Variants in NUP133 observed in about 807,000 individuals in gnomAD.
NUP133 encodes nucleoporin 133, also known as nuclear pore complex protein Nup133.
NUP133 carries 66 observed loss-of-function variants against 146.2 expected under a neutral mutation model. The observed-to-expected ratio is 0.45, with a 90% CI of 0.37 to 0.55. NUP133 has a LOEUF of 0.55. Among genes scored for constraint, NUP133 ranks in the 20% least tolerant of loss-of-function variants. The pLI, the probability that NUP133 is intolerant of heterozygous loss-of-function variation, is 0.00. For missense variants in NUP133, 1,277 were observed against 1,374.8 expected (o/e 0.93, Z 1.12); for synonymous variants, 521 against 498.8 (o/e 1.04, Z -0.59).
chr1:229,451,630 A>T (rs550576168), intron 22 of NUP133, among the ~76,000 whole-genome samples: 2 of 152,146 alleles, frequency 1.3e-5, no homozygotes, highest in African/African-American at 4.8e-5. Context: ...CAAAAACTAT[A>T]ATTTCATTTT....
intron 24 of NUP133, among the ~76,000 whole-genome samples, chr1:229,446,803 G>T (rs888643822): frequency 6.6e-6 from 1 of 151,812 alleles, no homozygotes; most frequent in East Asian, 1.9e-4. Flanking sequence ...TTCGAGTCTC[G>T]TTTGGCATGA....
At chr1:229,469,700 T>A (rs1660910201) in intron 15 of NUP133, among the ~76,000 whole-genome samples, 1 of 152,220 alleles carries the variant, frequency 6.6e-6, no homozygotes, top group Non-Finnish European at 1.5e-5. Context: ...GGAAGAAAGC[T>A]GGCAGAATAA....
chr1:229,485,190 A>G (rs1421319608), intron 11 of NUP133, among the ~76,000 whole-genome samples: 20 of 152,230 alleles, frequency 1.3e-4, no homozygotes, highest in East Asian at 1.9e-4. Context: ...CTCCTTGGAA[A>G]TATCTGTGAT....
In NUP133 at chr1:229,450,559, T is replaced by C. The variant is rs1217689661; in HGVS notation, c.3146A>G (p.Lys1049Arg). Residue 1049 changes from lysine to arginine, a missense_variant, in exon 23 of 26, where the codon AAG (lysine) becomes AGG (arginine). Around this residue, in one of 3 missense-constraint regions of NUP133, gnomAD observed 952 missense variants for 1,047.0 expected, o/e 0.91. Transcript: ENST00000261396. ...ATATTCCAACAAGTCCAAAGCTTTC[T>C]TGAAATCATATTCATTAGCTCTTCT... ...ENRRANEYDF[K>R]KALDLLEYID... The C allele has an allele frequency of 1.3e-6, 2 of 1,590,694 alleles. No individual in the cohort carries two copies. The highest frequency in any genetic ancestry group is 1.7e-5 in the Admixed American group (1 of 58,270).
intron 25 of NUP133, among the ~76,000 whole-genome samples, chr1:229,444,537 T>C (rs568138965): frequency 3.1e-4 from 47 of 152,172 alleles, no homozygotes; most frequent in African/African-American, 1.1e-3. Flanking sequence ...ATCTGAATAC[T>C]AATGCTTGGA....
At position 229,452,525 on chromosome 1, in the gene NUP133, A is replaced by C. The variant is rs201150016; in HGVS notation, c.3099T>G (p.Gly1033=). 3.1e-6 allele frequency: 5 copies of C among 1,608,430 alleles called. No individual in the cohort carries two copies. In the African/African-American group the frequency reaches 6.7e-5, roughly 22 times the overall value. ...MPVLTAPQLI[G]LYICEENRRA... ...CGTTAAGGATTTGAAAAGCACATAC[A>C]CCAATGAGTTGTGGTGCAGTCAATA... Residue 1033 remains glycine, a splice_region_variant and synonymous_variant, in exon 22 of 26, where the codon GGT becomes GGG. Transcript: ENST00000261396.
rs760765812 is a variant in NUP133 at position 229,466,684 on chromosome 1, C to T, written c.2149G>A (p.Asp717Asn). The T allele has an allele frequency of 2.5e-6, 4 of 1,613,894 alleles. No homozygotes were observed. The African/African-American group carries it at 5.3e-5, about 22-fold the overall frequency. ...ACCACTTCAGCCCATTCAATGGAAT[C>T]CATAGGTGCATCCCTCAAGACTTGC... ...EEQVLRDAPM[D>N]SIEWAEVVIN... Residue 717 changes from aspartate to asparagine, a missense_variant, in exon 16 of 26, where the codon GAT becomes AAT. Around this residue, in one of 3 missense-constraint regions of NUP133, gnomAD observed 952 missense variants for 1,047.0 expected, o/e 0.91. Coordinates refer to ENST00000261396, the MANE Select transcript of NUP133 (RefSeq NM_018230.3).
At position 229,486,422 on chromosome 1, in the gene NUP133, T is replaced by C. The variant is rs749795543; in HGVS notation, c.1449A>G (p.Ala483=). The part of the protein sequence containing the change: ...ITSRENVSIL[A]EDLEGSLASS... ...ATGCTAAAGACCCTTCCAAGTCTTC[T>C]GCCAATATAGACACATTTTCCCTTG... is the stretch of plus-strand genomic sequence containing the variant. The change falls in exon 11 of 26, where the codon GCA becomes GCG. Residue 483 remains alanine, a synonymous_variant. Transcript: ENST00000261396. 17 of 1,608,794 alleles carry C rather than the reference T, an allele frequency of 1.1e-5. No individual in the cohort carries two copies. The highest frequency in any genetic ancestry group is 1.2e-5 in the Non-Finnish European group (14 of 1,178,594).
intron 12 of NUP133, among the ~76,000 whole-genome samples, chr1:229,481,740 G>A (rs1279241451): frequency 1.3e-5 from 2 of 151,282 alleles, no homozygotes; most frequent in South Asian, 2.1e-4. Flanking sequence ...GGACAGCTAC[G>A]TGACAATGGA....
Position 229,441,097 on chromosome 1 carries a change from T to C in NUP133, c.*807A>G, listed in dbSNP as rs779554067. The stretch of plus-strand genomic sequence containing the variant: ...GTACAGTACCTTTCAGTCACATCAA[T>C]TGCCATATTAGGAAAACCTATAATG... On this transcript the variant is annotated 3_prime_UTR_variant, in exon 26 of 26. Coordinates refer to ENST00000261396, the MANE Select transcript of NUP133 (RefSeq NM_018230.3). The C allele has an allele frequency of 5.3e-5, 14 of 262,160 alleles. No individual in the cohort carries two copies. The highest frequency in any genetic ancestry group is 9.1e-5 in the Non-Finnish European group (12 of 131,258). The allele number at this position is 262,160 out of a possible 1,614,324, so 16.2% of individuals were successfully genotyped here.
At chr1:229,482,958 G>A (rs1377539134) in intron 12 of NUP133, among the ~76,000 whole-genome samples, 1 of 152,184 alleles carries the variant, frequency 6.6e-6, no homozygotes, top group Non-Finnish European at 1.5e-5. Context: ...AGACCAAAAT[G>A]AGTGAGCCTA....
intron 21 of NUP133, among the ~76,000 whole-genome samples, chr1:229,457,385 C>A (rs989259733): frequency 2.6e-5 from 4 of 152,218 alleles, no homozygotes; most frequent in African/African-American, 9.6e-5. Flanking sequence ...TAGCATCATG[C>A]CTCAGTATCT....
Position 229,489,996 on chromosome 1 carries a change from C to T in NUP133, c.1153G>A (p.Ala385Thr), listed in dbSNP as rs755002767. Reference protein sequence around the residue: ...IEDNGCQMSDAVTVEVTQYNP... With the variant: ...IEDNGCQMSDTVTVEVTQYNP... ...TATTGAGTGACTTCTACAGTAACTG[C>T]ATCTGACATTTGGCAACCATTATCT... is the stretch of plus-strand genomic sequence containing the variant. Residue 385 changes from alanine (A) to threonine (T), a missense_variant, in exon 9 of 26, where the codon GCA becomes ACA. Transcript: ENST00000261396. 1 of 1,609,944 alleles carries T rather than the reference C, an allele frequency of 6.2e-7. No individual in the cohort carries two copies. The highest frequency in any genetic ancestry group is 1.3e-5 in the African/African-American group (1 of 74,828).
Position 229,475,717 on chromosome 1 carries a change from C to T in NUP133, c.1772G>A (p.Ser591Asn). 1 of 1,613,900 alleles carries T rather than the reference C, an allele frequency of 6.2e-7. No homozygotes were observed. The highest frequency in any genetic ancestry group is 1.1e-5 in the South Asian group (1 of 91,084). Residue 591 changes from serine to asparagine, a missense_variant, in exon 14 of 26, where the codon AGC (serine) becomes AAC (asparagine). Transcript: ENST00000261396. ...ESVPEEAPGF[S>N]NTSLIILHQL... ...GTGAAGGATAATCAGTGACGTATTG[C>T]TGAACCCAGGTGCTTCTGTTAAAAC...
At chr1:229,497,397 T>A (rs543519666) in intron 6 of NUP133, among the ~76,000 whole-genome samples, 4 of 152,270 alleles carry the variant, frequency 2.6e-5, no homozygotes, top group African/African-American at 9.6e-5. Flanking sequence ...ATAGGAGAGA[T>A]GAAAGAACAC....
In NUP133 at chr1:229,441,954, C is replaced by T. The variant is rs1226411572; in HGVS notation, c.3421G>A (p.Glu1141Lys). The T allele has an allele frequency of 3.8e-6, 6 of 1,583,956 alleles. No individual in the cohort carries two copies. Among genetic ancestry groups the T allele is most frequent in the African/African-American group, 2.7e-5 (2 of 72,844 alleles). The change falls in exon 26 of 26, where the codon GAG becomes AAG. Residue 1141 changes from glutamate (E) to lysine (K), a missense_variant. By Grantham distance (56) the Glu-to-Lys change is moderately conservative (BLOSUM62 1). Transcript: ENST00000261396. ...LGSLKSNPYF[E>K]FVLKANYEYY... The stretch of plus-strand genomic sequence containing the variant: ...TCATAATTTGCTTTCAAAACAAACT[C>T]GAAGTAAGGATTGGACTTTAAGCTT...
chr1:229,501,272 T>C lies in NUP133; in HGVS notation c.406-409A>G, dbSNP rs529119605. Among the ~76,000 whole-genome samples the C allele has an allele frequency of 1.8e-3, 278 of 152,300 alleles. 1 individual carries two copies. Among genetic ancestry groups the C allele is most frequent in the African/African-American group, 6.4e-3 (265 of 41,572 alleles). The stretch of plus-strand genomic sequence containing the variant: ...TTATACCAAGTTACCTAGGAAACAA[T>C]TTCTTAGACTCTCAGCCAAATATCA... On this transcript the variant is annotated intron_variant, in intron 3 of 25. Transcript: ENST00000261396.
chr1:229,495,614 T>C (rs967242256), intron 7 of NUP133, 49 bp from the exon 8 acceptor site: 5 of 1,360,400 alleles, frequency 3.7e-6, no homozygotes, highest in Non-Finnish European at 5.2e-6. Flanking sequence ...AGGAATGATT[T>C]ATTTTCACCT....
intron 8 of NUP133, among the ~76,000 whole-genome samples, chr1:229,493,508 A>T (rs1661574681): frequency 1.3e-5 from 2 of 152,196 alleles, no homozygotes. Flanking sequence ...CCCAGATTGT[A>T]GCTCTGCCCA....
Sources: gnomAD v4.1 joint callset for allele counts (sites outside exome capture counted in the v4.1 genomes callset) on GRCh38, gnomAD v4.1.1 for gene constraint, gnomAD v4.1.1 regional missense constraint, MANE v1.5 for transcripts, NCBI Gene and HGNC (gene_info 2026-07-23, HGNC 2026-07-21) for gene names.